FOXO1: variants seen among roughly 807,000 people sequenced by gnomAD.
FOXO1 encodes forkhead box protein O1.
FOXO1 carries 6 observed loss-of-function variants against 44.1 expected under a neutral mutation model. That is an observed-to-expected ratio of 0.14 (90% CI 0.07 to 0.27). The LOEUF (loss-of-function observed/expected upper bound fraction) is 0.27, where lower values mean the gene tolerates loss of function less well. Among genes scored for constraint, FOXO1 ranks in the 10% least tolerant of loss-of-function variants. FOXO1 has a pLI of 1.00. For missense variants in FOXO1, 737 were observed against 888.8 expected (o/e 0.83, Z 2.17); for synonymous variants, 380 against 362.7 (o/e 1.05, Z -0.54).
chr13:40,559,999 T>C lies in FOXO1; in HGVS notation c.1492A>G (p.Met498Val). 6.2e-7 allele frequency: 1 copy of C among 1,614,112 alleles called. No homozygotes were observed. ...GTTGACATGACCGAATTAGGGCCCA[T>C]CATGACGTTCTGGCCCAGAACCCGG... ...NSRVLGQNVM[M>V]GPNSVMSTYG... The change falls in exon 2 of 3, where the codon ATG (methionine) becomes GTG (valine). Residue 498 changes from methionine (M) to valine (V), a missense_variant. Met to Val is a conservative substitution (Grantham distance 21). Around this residue, in one of 7 missense-constraint regions of FOXO1, gnomAD observed 283 missense variants for 278.1 expected, o/e 1.02. Transcript: ENST00000379561.
chr13:40,660,783 TA>T (rs1232917562), intron 1 of FOXO1, among the ~76,000 whole-genome samples: 3 of 151,878 alleles, frequency 2.0e-5, no homozygotes, highest in Non-Finnish European at 2.9e-5. Context: ...GTTTGTCACT[TA>T]AAAAAAACTA....
intron 1 of FOXO1, among the ~76,000 whole-genome samples, chr13:40,594,010 C>T (rs1875484947): frequency 6.6e-6 from 1 of 152,130 alleles, no homozygotes; most frequent in Admixed American, 6.5e-5. Flanking sequence ...TCTAATTTCT[C>T]TGAATTTGAA....
In FOXO1 at chr13:40,558,470, T is replaced by C. The variant is rs1873844788; in HGVS notation, c.*579A>G. ...AGCAGATTGATAACAGGCTACTTGGTTCTCATGTGAATTCTGTGGCAACGT... is the reference window on the plus strand; with the variant it reads ...AGCAGATTGATAACAGGCTACTTGGCTCTCATGTGAATTCTGTGGCAACGT... On this transcript the variant is annotated 3_prime_UTR_variant, in exon 3 of 3. Coordinates refer to ENST00000379561, the MANE Select transcript of FOXO1 (RefSeq NM_002015.4). 1 of 179,770 alleles carries C rather than the reference T, an allele frequency of 5.6e-6. No individual in the cohort carries two copies. The highest frequency in any genetic ancestry group is 1.2e-5 in the Non-Finnish European group (1 of 86,368). The allele number at this position is 179,770 out of a possible 1,614,324, so 11.1% of individuals were successfully genotyped here.
chr13:40,651,084 G>T (rs995650429), intron 1 of FOXO1, among the ~76,000 whole-genome samples: 9 of 112,538 alleles, frequency 8.0e-5, no homozygotes, highest in East Asian at 4.7e-4. Flanking sequence ...AGTTTTTTTG[G>T]TTTTTTGTTT....
chr13:40,582,773 C>T lies in FOXO1; in HGVS notation c.631-21913G>A, dbSNP rs116015107. 6.6e-3 allele frequency among the ~76,000 whole-genome samples: 1,001 copies of T among 152,306 alleles called. 11 individuals carry two copies. Among genetic ancestry groups the T allele is most frequent in the African/African-American group, 0.023 (955 of 41,556 alleles). On this transcript the variant is annotated intron_variant, in intron 1 of 2. Transcript: ENST00000379561. ...GTTTTCACCACATCTGCATCTACTTCCTCTTCTGAAATCTTGAACCCCTCC... is the reference window on the plus strand; with the variant it reads ...GTTTTCACCACATCTGCATCTACTTTCTCTTCTGAAATCTTGAACCCCTCC...
At chr13:40,658,152 C>G (rs1314713017) in intron 1 of FOXO1, among the ~76,000 whole-genome samples, 1 of 152,214 alleles carries the variant, frequency 6.6e-6, no homozygotes, top group Non-Finnish European at 1.5e-5. Flanking sequence ...AGTTGGTGAA[C>G]TGACTTGAAC....
intron 1 of FOXO1, among the ~76,000 whole-genome samples, chr13:40,599,941 G>A (rs1481994680): frequency 6.6e-6 from 1 of 152,210 alleles, no homozygotes; most frequent in African/African-American, 2.4e-5. Context: ...CCGATGAAAA[G>A]ACCAGTGTAG....
chr13:40,629,449 A>G (rs1302059371), intron 1 of FOXO1, among the ~76,000 whole-genome samples: 1 of 152,174 alleles, frequency 6.6e-6, no homozygotes, highest in African/African-American at 2.4e-5. Flanking sequence ...GCCAAACAAC[A>G]TGACTTTTGA....
At chr13:40,619,988 G>A in intron 1 of FOXO1, 1 of 702,922 alleles carries the variant, frequency 1.4e-6, no homozygotes, top group Non-Finnish European at 2.6e-6. Flanking sequence ...CCAATTCAGA[G>A]ACACAGTGGC....
At chr13:40,645,830 C>T (rs1037635248) in intron 1 of FOXO1, among the ~76,000 whole-genome samples, 3 of 152,150 alleles carry the variant, frequency 2.0e-5, no homozygotes, top group African/African-American at 7.2e-5. Context: ...CACCTGTAAT[C>T]CCAGCACTTT....
intron 1 of FOXO1, among the ~76,000 whole-genome samples, chr13:40,611,413 AAT>A (rs1287246450): frequency 2.6e-5 from 4 of 152,256 alleles, no homozygotes; most frequent in African/African-American, 9.6e-5. Context: ...GGATATGACC[AAT>A]AAATTTAGAA....
chr13:40,611,737 C>T (rs1293631069), intron 1 of FOXO1, among the ~76,000 whole-genome samples: 1 of 152,218 alleles, frequency 6.6e-6, no homozygotes, highest in East Asian at 1.9e-4. Flanking sequence ...TTTCCCTCCT[C>T]CCATCACAGC....
At chr13:40,663,547 A>G (rs1255231054) in intron 1 of FOXO1, among the ~76,000 whole-genome samples, 1 of 152,200 alleles carries the variant, frequency 6.6e-6, no homozygotes, top group East Asian at 1.9e-4. Context: ...TAAATGGCTA[A>G]TACTCTGTAA....
intron 1 of FOXO1, among the ~76,000 whole-genome samples, chr13:40,564,738 T>C (rs562559461): frequency 6.6e-6 from 1 of 152,304 alleles, no homozygotes; most frequent in South Asian, 2.1e-4. Context: ...TCATGCCCTG[T>C]CAATCACTTG....
chr13:40,606,029 C>G (rs966015134), intron 1 of FOXO1, among the ~76,000 whole-genome samples: 1 of 152,092 alleles, frequency 6.6e-6, no homozygotes, highest in East Asian at 1.9e-4. Context: ...TACTGAAAGG[C>G]TTGTTCTACT....
At chr13:40,601,091 C>T (rs1055401829) in intron 1 of FOXO1, among the ~76,000 whole-genome samples, 1 of 152,160 alleles carries the variant, frequency 6.6e-6, no homozygotes, top group Non-Finnish European at 1.5e-5. Context: ...CCCCACCACC[C>T]GTTTTCTCTT....
intron 1 of FOXO1, among the ~76,000 whole-genome samples, chr13:40,627,307 T>C (rs1012210852): frequency 2.0e-5 from 3 of 152,188 alleles, no homozygotes; most frequent in South Asian, 2.1e-4. Context: ...CTCAAAACCC[T>C]TGGACACTTT....
intron 1 of FOXO1, among the ~76,000 whole-genome samples, chr13:40,573,442 C>T (rs1874624719): frequency 6.6e-6 from 1 of 152,168 alleles, no homozygotes. Context: ...GAGGACATCC[C>T]ACTAGGAATT....
chr13:40,607,458 G>A (rs1208937300), intron 1 of FOXO1, among the ~76,000 whole-genome samples: 1 of 151,910 alleles, frequency 6.6e-6, no homozygotes, highest in East Asian at 1.9e-4. Context: ...TTTCCCACTT[G>A]GGGTTTCTTC....
Sources: allele counts gnomAD v4.1 joint callset (sites outside exome capture counted in the v4.1 genomes callset), GRCh38; gene constraint gnomAD v4.1.1; regional missense constraint gnomAD v4.1.1; transcripts MANE v1.5; gene names NCBI Gene and HGNC (gene_info 2026-07-23, HGNC 2026-07-21).